The following PAX5 variants were observed in gnomAD, a reference collection of about 807,000 sequenced individuals.
PAX5 encodes paired box protein Pax-5.
A neutral mutation model predicts 43.7 loss-of-function variants in PAX5; 9 were observed. That is an observed-to-expected ratio of 0.21 (90% CI 0.12 to 0.36). PAX5 has a LOEUF of 0.36. PAX5 is among the 10% of genes least tolerant of loss of function. PAX5 has a pLI of 1.00. For missense variants in PAX5, 383 were observed against 532.7 expected, an observed-to-expected ratio of 0.72 and a Z score of 2.77; for synonymous variants, 228 against 214.3, an observed-to-expected ratio of 1.06 and a Z score of -0.56.
At chr9:36,880,380 G>C (rs998601598) in intron 8 of PAX5, among the ~76,000 whole-genome samples, 8 of 152,352 alleles carry the variant, frequency 5.3e-5, no homozygotes, top group Admixed American at 2.0e-4. Flanking sequence ...GGATGGCCCG[G>C]GGGAAGAGAC....
intron 9 of PAX5, among the ~76,000 whole-genome samples, 185 bp from the exon 10 acceptor site, chr9:36,840,821 C>T (rs767868329): frequency 8.5e-5 from 13 of 152,130 alleles, no homozygotes; most frequent in Non-Finnish European, 1.3e-4. Flanking sequence ...CATAAGATTT[C>T]GAGGCTCTTC....
chr9:37,023,765 G>A (rs1056553990), intron 1 of PAX5, among the ~76,000 whole-genome samples: 1 of 152,146 alleles, frequency 6.6e-6, no homozygotes, highest in Non-Finnish European at 1.5e-5. Flanking sequence ...ACCCCCACAA[G>A]ATCATTAAAA....
intron 8 of PAX5, among the ~76,000 whole-genome samples, chr9:36,873,560 G>A (rs1432481833): frequency 3.3e-5 from 5 of 152,250 alleles, no homozygotes; most frequent in Non-Finnish European, 5.9e-5. Flanking sequence ...AGGCCAGAGA[G>A]CTACCAGGAG....
chr9:37,005,283 C>T (rs1363167791), intron 4 of PAX5, among the ~76,000 whole-genome samples: 1 of 152,240 alleles, frequency 6.6e-6, no homozygotes, highest in Non-Finnish European at 1.5e-5. Flanking sequence ...TCCCCCTTTA[C>T]CTTGAGAATG....
In PAX5 at chr9:37,033,854, A is replaced by C. The variant is rs1252593011; in HGVS notation, c.46+132T>G. On this transcript the variant is annotated intron_variant, in intron 1 of 9. Coordinates refer to ENST00000358127, the MANE Select transcript of PAX5 (RefSeq NM_016734.3). ...AACAGATAGGTGAAAAAACATAACA[A>C]ACACGCCGCAGTTAGACAGTCTCTA... 1.1e-5 allele frequency: 8 copies of C among 716,738 alleles called. No individual in the cohort carries two copies. The East Asian group carries it at 1.3e-4, about 12-fold the overall frequency. The allele number at this position is 716,738 out of a possible 1,614,324, so 44.4% of individuals were successfully genotyped here.
At chr9:36,878,395 A>T (rs1301394100) in intron 8 of PAX5, among the ~76,000 whole-genome samples, 1 of 152,224 alleles carries the variant, frequency 6.6e-6, no homozygotes, top group African/African-American at 2.4e-5. Context: ...ACGTTGGGTC[A>T]TGTGATGTGG....
Position 36,872,131 on chromosome 9 carries a change from C to T in PAX5, c.1012+9873G>A, listed in dbSNP as rs972739265. 7.2e-5 allele frequency among the ~76,000 whole-genome samples: 11 copies of T among 152,234 alleles called. 1 individual carries two copies. In the East Asian group the frequency reaches 1.9e-3, roughly 27 times the overall value. ...GCCCCAAAAGCCAGCCCTGGCCTGC[C>T]CCAGCAGTTTCTGGGCCTTCCCGAT... On this transcript the variant is annotated intron_variant, in intron 8 of 9. Coordinates refer to ENST00000358127, the MANE Select transcript of PAX5 (RefSeq NM_016734.3).
At chr9:36,923,282 C>A in intron 7 of PAX5, 73 bp downstream of exon 7, 1 of 1,533,026 alleles carries the variant, frequency 6.5e-7, no homozygotes, top group Non-Finnish European at 8.8e-7. Context: ...CACCAAGAAG[C>A]CACTCTTCCC....
chr9:36,910,638 T>C (rs1166218417), intron 7 of PAX5, among the ~76,000 whole-genome samples: 4 of 152,234 alleles, frequency 2.6e-5, no homozygotes, highest in Admixed American at 1.3e-4. Flanking sequence ...CCGCCTGGAC[T>C]TTGTAGATAC....
chr9:36,877,033 C>T (rs1268332693), intron 8 of PAX5, among the ~76,000 whole-genome samples: 2 of 152,190 alleles, frequency 1.3e-5, no homozygotes, highest in Non-Finnish European at 2.9e-5. Flanking sequence ...CAATAAAAGC[C>T]TTCACTTGGA....
chr9:36,978,219 A>G (rs1835615190), intron 5 of PAX5, among the ~76,000 whole-genome samples: 1 of 152,254 alleles, frequency 6.6e-6, no homozygotes, highest in African/African-American at 2.4e-5. Flanking sequence ...ATACTGTCCA[A>G]GTCCATTACC....
chr9:36,939,865 TG>T (rs1447303373), intron 6 of PAX5, among the ~76,000 whole-genome samples: 3 of 152,254 alleles, frequency 2.0e-5, no homozygotes, highest in Middle Eastern at 6.8e-3. Context: ...TGGCGTCGTG[TG>T]GGCGCAGCAG....
chr9:36,852,502 G>C (rs1003634893), intron 8 of PAX5, among the ~76,000 whole-genome samples: 1 of 152,206 alleles, frequency 6.6e-6, no homozygotes, highest in Non-Finnish European at 1.5e-5. Flanking sequence ...GGAAAAAAAT[G>C]ACGGCGAGAC....
intron 1 of PAX5, among the ~76,000 whole-genome samples, chr9:37,031,390 C>G (rs1840968612): frequency 6.6e-6 from 1 of 152,180 alleles, no homozygotes; most frequent in Admixed American, 6.5e-5. Context: ...TTATTAATAT[C>G]TATCACTCCA....
At chr9:36,846,252 C>T (rs185490586) in intron 9 of PAX5, among the ~76,000 whole-genome samples, 6 of 152,344 alleles carry the variant, frequency 3.9e-5, no homozygotes, top group East Asian at 1.9e-4. Flanking sequence ...CCACCAGTCA[C>T]GGACAATCTG....
At chr9:36,991,459 C>T (rs1836931107) in intron 5 of PAX5, among the ~76,000 whole-genome samples, 2 of 152,164 alleles carry the variant, frequency 1.3e-5, no homozygotes, top group African/African-American at 2.4e-5. Context: ...CAAGTAAAGG[C>T]TTAGAGTAGA....
intron 6 of PAX5, among the ~76,000 whole-genome samples, chr9:36,940,128 C>G (rs889489235): frequency 6.6e-6 from 1 of 152,222 alleles, no homozygotes; most frequent in Admixed American, 6.5e-5. Flanking sequence ...ATGTTCTACT[C>G]CTTCCAGACC....
At chr9:37,018,570 C>CAAAATAAAAAAAAAAAAAA (rs1839589181) in intron 2 of PAX5, among the ~76,000 whole-genome samples, 1 of 70,992 alleles carries the variant, frequency 1.4e-5, no homozygotes, top group Non-Finnish European at 2.9e-5. Context: ...CTTCAGTGAC[C>CAAAATAAAAAAAAAAAAAA]AAAAAAAAAA....
chr9:36,925,574 G>A (rs10123654), intron 6 of PAX5, among the ~76,000 whole-genome samples: 3,202 of 152,264 alleles, frequency 0.021, 103 homozygotes, highest in African/African-American at 0.073. Flanking sequence ...TTAATAAACA[G>A]AGCAGGGGTA....
Sources: gnomAD v4.1 joint callset for allele counts (sites outside exome capture counted in the v4.1 genomes callset) on GRCh38, gnomAD v4.1.1 for gene constraint, MANE v1.5 for transcripts, NCBI Gene and HGNC (gene_info 2026-07-23, HGNC 2026-07-21) for gene names.